The following NT5C2 variants were observed in gnomAD, a reference collection of about 807,000 sequenced individuals.
NT5C2 encodes 5'-nucleotidase, cytosolic II.
NT5C2 carries 58 observed loss-of-function variants against 76.1 expected under a neutral mutation model. The observed-to-expected ratio is 0.76, with a 90% confidence interval of 0.62 to 0.95. The LOEUF (loss-of-function observed/expected upper bound fraction) is 0.95, where lower values mean the gene tolerates loss of function less well. NT5C2 is among the 40% of genes least tolerant of loss of function. The pLI, the probability that NT5C2 is intolerant of heterozygous loss-of-function variation, is 0.00. For synonymous variants in NT5C2, 229 were observed against 237.4 expected, an observed-to-expected ratio of 0.96 and a Z score of 0.32; for missense variants, 478 against 690.3, an observed-to-expected ratio of 0.69 and a Z score of 3.45.
chr10:103,162,754 A>G (rs2085250041), intron 3 of NT5C2, among the ~76,000 whole-genome samples: 2 of 152,356 alleles, frequency 1.3e-5, no homozygotes, highest in Middle Eastern at 3.4e-3. Context: ...AAGAACATTT[A>G]TAACAGCATT....
intron 4 of NT5C2, among the ~76,000 whole-genome samples, chr10:103,119,363 T>C (rs1193765777): frequency 6.6e-6 from 1 of 151,780 alleles, no homozygotes; most frequent in Non-Finnish European, 1.5e-5. Flanking sequence ...GAGCAAAATT[T>C]TGTCTCCAAA....
At position 103,098,344 on chromosome 10, in the gene NT5C2, G is replaced by A. The variant is rs1590746133; in HGVS notation, c.687+587C>T. 1.6e-5 allele frequency: 4 copies of A among 254,236 alleles called. No individual in the cohort carries two copies. In the South Asian group the frequency reaches 1.6e-4, roughly 10 times the overall value. 15.7% of individuals were successfully genotyped at this position (254,236 alleles called of 1,614,324 possible). ...AGGTTTGCCACTAATGCCTTTTAAG[G>A]TACTTTAAAGCTTTCCTCATTACTC... On this transcript the variant is annotated intron_variant, in intron 10 of 18. Coordinates refer to ENST00000404739, the MANE Select transcript of NT5C2 (RefSeq NM_001351169.2).
chr10:103,094,288 G>C lies in NT5C2; in HGVS notation c.921+60C>G. 6 of 1,112,276 alleles carry C rather than the reference G, an allele frequency of 5.4e-6. No homozygotes were observed. In the South Asian group the frequency reaches 6.4e-5, roughly 12 times the overall value. The allele number at this position is 1,112,276 out of a possible 1,614,324, so 68.9% of individuals were successfully genotyped here. ...CTGTTTCCTTATGTAGAGTAAGAGT[G>C]GGGGAAGGAGAAACATTAAGGACAA... is the stretch of plus-strand genomic sequence containing the variant. On this transcript the variant is annotated intron_variant, in intron 13 of 18. Coordinates refer to ENST00000404739, the MANE Select transcript of NT5C2 (RefSeq NM_001351169.2).
chr10:103,092,492 G>C (rs995912701), intron 15 of NT5C2, among the ~76,000 whole-genome samples: 1 of 152,244 alleles, frequency 6.6e-6, no homozygotes, highest in South Asian at 2.1e-4. Context: ...CAGATTTCAA[G>C]TTATGGAGCC....
At chr10:103,099,271 T>C (rs1033119463) in intron 9 of NT5C2, among the ~76,000 whole-genome samples, 2 of 152,166 alleles carry the variant, frequency 1.3e-5, no homozygotes, top group Admixed American at 6.5e-5. Flanking sequence ...GACAGGGTTT[T>C]GTCATGTTGC....
chr10:103,170,287 G>C (rs956986557), intron 3 of NT5C2, among the ~76,000 whole-genome samples: 5 of 152,104 alleles, frequency 3.3e-5, no homozygotes, highest in African/African-American at 1.2e-4. Context: ...TGCAGCCTAG[G>C]CAACAGAATG....
At chr10:103,149,207 G>A (rs2082009781) in intron 3 of NT5C2, among the ~76,000 whole-genome samples, 1 of 152,142 alleles carries the variant, frequency 6.6e-6, no homozygotes, top group South Asian at 2.1e-4. Context: ...TGAATTCTAG[G>A]TGGTATATTG....
intron 3 of NT5C2, among the ~76,000 whole-genome samples, chr10:103,159,251 GCACACACACACA>G (rs57117670): frequency 1.3e-3 from 172 of 133,280 alleles, no homozygotes; most frequent in Middle Eastern, 7.8e-3. Context: ...TCCAAAACAT[GCACACACACACA>G]CACACACACA....
intron 4 of NT5C2, among the ~76,000 whole-genome samples, chr10:103,120,762 G>A (rs1352135043): frequency 1.3e-5 from 2 of 152,146 alleles, no homozygotes; most frequent in African/African-American, 2.4e-5. Context: ...ATAGATTTAC[G>A]TTATGATCCA....
At chr10:103,138,368 C>G (rs1221278808) in intron 4 of NT5C2, among the ~76,000 whole-genome samples, 7 of 152,060 alleles carry the variant, frequency 4.6e-5, no homozygotes, top group Non-Finnish European at 1.5e-5. Flanking sequence ...ACCTATAAAC[C>G]CGTCATCTAG....
intron 2 of NT5C2, among the ~76,000 whole-genome samples, chr10:103,180,362 A>G (rs780977781): frequency 1.3e-5 from 2 of 152,240 alleles, no homozygotes; most frequent in Non-Finnish European, 2.9e-5. Context: ...ACTTAAACAT[A>G]TATCTATCAT....
intron 16 of NT5C2, 37 bp from the exon 17 acceptor site, chr10:103,091,033 G>A (rs756455035): frequency 1.9e-6 from 3 of 1,576,726 alleles, no homozygotes; most frequent in African/African-American, 1.3e-5. Context: ...AAATCTCTGG[G>A]AAGAGCTTTT....
chr10:103,106,715 A>G lies in NT5C2; in HGVS notation c.176-9T>C, dbSNP rs766258037. On this transcript the variant is annotated splice_polypyrimidine_tract_variant and intron_variant, in intron 4 of 18. Transcript: ENST00000404739. ...CTCTGGGGACTTGTACACTGCACAA[A>G]GAGGAGGTTTTCATTAGTTAGCAGA... 10 of 1,503,260 alleles carry G rather than the reference A, an allele frequency of 6.7e-6. No homozygotes were observed. In the South Asian group the frequency reaches 1.1e-4, roughly 17 times the overall value. 93.1% of individuals were successfully genotyped at this position (1,503,260 alleles called of 1,614,324 possible).
In NT5C2 at chr10:103,089,228, T is replaced by C. The variant is rs2066098105; in HGVS notation, c.*444A>G. ...TCATGGAAATAATACATTTCTCCAC[T>C]GATATACAATACCATGTAATGCACT... On this transcript the variant is annotated 3_prime_UTR_variant, in exon 19 of 19. Transcript: ENST00000404739. 4.5e-6 allele frequency: 1 copy of C among 221,108 alleles called. No individual in the cohort carries two copies. Among genetic ancestry groups the C allele is most frequent in the Non-Finnish European group, 9.0e-6 (1 of 110,722 alleles). 13.7% of individuals were successfully genotyped at this position (221,108 alleles called of 1,614,324 possible).
At position 103,099,941 on chromosome 10, in the gene NT5C2, G is replaced by A. The variant is rs1223627909; in HGVS notation, c.618C>T (p.Asp206=). ...TTCTAGGTACCTTGTAATGAACCCA[G>A]TCAACAGCATCTCTTACATCCTGGA... ...SMFQDVRDAV[D]WVHYKGSLKE... Residue 206 remains aspartate, a synonymous_variant, in exon 9 of 19, where the codon GAC becomes GAT. Transcript: ENST00000404739. 6 of 1,610,552 alleles carry A rather than the reference G, an allele frequency of 3.7e-6. No homozygotes were observed. The African/African-American group carries it at 4.0e-5, about 11-fold the overall frequency.
At chr10:103,104,874 T>A (rs1206611688) in intron 6 of NT5C2, among the ~76,000 whole-genome samples, 8 of 152,158 alleles carry the variant, frequency 5.3e-5, no homozygotes, top group Non-Finnish European at 1.2e-4. Flanking sequence ...GAATAGTAAA[T>A]GGAAAAGTTA....
At chr10:103,183,366 C>T (rs1479203659) in intron 1 of NT5C2, among the ~76,000 whole-genome samples, 6 of 136,952 alleles carry the variant, frequency 4.4e-5, no homozygotes, top group African/African-American at 1.6e-4. Flanking sequence ...ATCTATCCCT[C>T]CTTCTTGGAA....
At chr10:103,165,593 T>G (rs1475722865) in intron 3 of NT5C2, among the ~76,000 whole-genome samples, 1 of 106,932 alleles carries the variant, frequency 9.4e-6, no homozygotes, top group African/African-American at 3.3e-5. Flanking sequence ...TTTTTTTTTT[T>G]CTAGAAACAG....
Position 103,101,089 on chromosome 10 carries a change from C to T in NT5C2, c.495G>A (p.Leu165=). The part of the protein sequence containing the change: ...TLFNLPETYL[L]ACLVDFFTNC... ...TAGTAAAAAAATCTACTAGGCAGGC[C>T]AACAGGTAGGTCTCTGAAAAATGAA... Residue 165 remains leucine, a synonymous_variant, in exon 8 of 19, where the codon TTG becomes TTA. Transcript: ENST00000404739. 6.3e-7 allele frequency: 1 copy of T among 1,592,744 alleles called. No homozygotes were observed. Among genetic ancestry groups the T allele is most frequent in the South Asian group, 1.1e-5 (1 of 90,668 alleles).
Sources: gnomAD v4.1 joint callset for allele counts (sites outside exome capture counted in the v4.1 genomes callset) on GRCh38, gnomAD v4.1.1 for gene constraint, MANE v1.5 for transcripts, NCBI Gene and HGNC (gene_info 2026-07-23, HGNC 2026-07-21) for gene names.